Variants in GSDMA observed in about 807,000 individuals in gnomAD.
GSDMA encodes the protein gasdermin A.
GSDMA carries 55 observed loss-of-function variants against 54.3 expected under a neutral mutation model. That is an observed-to-expected ratio of 1.01 (90% CI 0.82 to 1.27). The LOEUF (loss-of-function observed/expected upper bound fraction) is 1.27, where lower values mean the gene tolerates loss of function less well. Among genes scored for constraint, GSDMA ranks in the 50% most tolerant of loss-of-function variants. The probability of loss-of-function intolerance (pLI) is 0.00; values close to 1 mark genes in which losing one functional copy is unlikely to be tolerated. For missense variants in GSDMA, 542 were observed against 542.6 expected (o/e 1.00, Z 0.01); for synonymous variants, 211 against 224.7 (o/e 0.94, Z 0.54).
chr17:39,965,576 G>A, intron 1 of GSDMA, 107 bp from the exon 2 acceptor site: 1 of 751,228 alleles, frequency 1.3e-6, no homozygotes, highest in Non-Finnish European at 2.3e-6. Context: ...AGCTCCTCCT[G>A]CCTCAGAGCC....
At chr17:39,971,769 G>T in intron 5 of GSDMA, 149 bp downstream of exon 5, 2 of 640,612 alleles carry the variant, frequency 3.1e-6, no homozygotes, top group South Asian at 3.7e-5. Context: ...AGCCTGCTCT[G>T]GAGAGAAGGG....
At chr17:39,964,637 T>C (rs565113565) in intron 1 of GSDMA, among the ~76,000 whole-genome samples, 2 of 151,924 alleles carry the variant, frequency 1.3e-5, no homozygotes, top group Non-Finnish European at 2.9e-5. Context: ...GGTGTACTCA[T>C]ACCTGTGGCA....
rs375996219 is a variant in GSDMA, at chr17:39,964,518, G to A, written c.-5-1165G>A. ...TGAGAGGTGGAGACTGCAGGGAGCC[G>A]AGATGGCACCACTGCACTCCACCCT... On this transcript the variant is annotated intron_variant, in intron 1 of 11. Coordinates refer to ENST00000301659, the MANE Select transcript of GSDMA (RefSeq NM_178171.5). Among the ~76,000 whole-genome samples the A allele has an allele frequency of 4.8e-4, 73 of 151,956 alleles. No individual in the cohort carries two copies. In the East Asian group the frequency reaches 8.3e-3, roughly 17 times the overall value.
chr17:39,970,921 G>C (rs1186704022), intron 4 of GSDMA, among the ~76,000 whole-genome samples: 7 of 152,168 alleles, frequency 4.6e-5, no homozygotes, highest in Non-Finnish European at 2.9e-5. Flanking sequence ...CACATTCCTG[G>C]GTTTTCCCTC....
At chr17:39,966,038 C>T in intron 2 of GSDMA, 137 bp downstream of exon 2, 1 of 853,738 alleles carries the variant, frequency 1.2e-6, no homozygotes, top group Non-Finnish European at 1.8e-6. Context: ...TCATCAGGAG[C>T]TGAGGAGGCT....
chr17:39,966,436 A>C lies in GSDMA; in HGVS notation c.391A>C (p.Arg131=). The change falls in exon 3 of 12, where the codon AGG becomes CGG. Residue 131 remains arginine, a splice_region_variant and synonymous_variant. Coordinates refer to ENST00000301659, the MANE Select transcript of GSDMA (RefSeq NM_178171.5). ...CAAGGCCCTGGAGACCGTGCAGGAG[A>C]GGTGAGAGTGGGCGGGACTGAGGGT... ...APKALETVQE[R]KLAADHPFLK... is the part of the protein sequence containing the mutation. The C allele has an allele frequency of 6.3e-7, 1 of 1,596,984 alleles. No individual in the cohort carries two copies. Among genetic ancestry groups the C allele is most frequent in the Non-Finnish European group, 8.5e-7 (1 of 1,173,244 alleles).
chr17:39,968,695 G>C (rs756988788), intron 3 of GSDMA, among the ~76,000 whole-genome samples: 3 of 152,130 alleles, frequency 2.0e-5, no homozygotes, highest in Non-Finnish European at 4.4e-5. Context: ...GAGGACCCGA[G>C]CTGGGGAAGG....
In GSDMA at chr17:39,963,070, C is replaced by G. The variant is rs1979487966; in HGVS notation, c.-21C>G. 6.5e-6 allele frequency: 1 copy of G among 152,728 alleles called. No individual in the cohort carries two copies. Among genetic ancestry groups the G allele is most frequent in the South Asian group, 2.1e-4 (1 of 4,840 alleles). The allele number at this position is 152,728 out of a possible 1,614,324, so 9.5% of individuals were successfully genotyped here. A position where few individuals can be genotyped will look rare whatever the true frequency, so the allele number is the denominator to read the frequency against. ...CCCAGACCCAGCTGCTGGATAGGACCCAGCCCCGCTCCCAGGTAAGAACTT... is the reference window on the plus strand; with the variant it reads ...CCCAGACCCAGCTGCTGGATAGGACGCAGCCCCGCTCCCAGGTAAGAACTT... On this transcript the variant is annotated 5_prime_UTR_variant, in exon 1 of 12. Transcript: ENST00000301659.
rs1598301944 is a variant in GSDMA at position 39,965,718 on chromosome 17, C to T, written c.31C>T (p.Leu11=). Residue 11 remains leucine, a synonymous_variant, in exon 2 of 12, where the codon CTG becomes TTG. Transcript: ENST00000301659. ...CATGTTTGAAAATGTCACCCGGGCCCTGGCCAGACAGCTAAACCCTCGAGG... is the reference window on the plus strand; with the variant it reads ...CATGTTTGAAAATGTCACCCGGGCCTTGGCCAGACAGCTAAACCCTCGAGG... MTMFENVTRA[L]ARQLNPRGDL... 6.2e-7 allele frequency: 1 copy of T among 1,610,582 alleles called. No individual in the cohort carries two copies. Among genetic ancestry groups the T allele is most frequent in the South Asian group, 1.1e-5 (1 of 90,216 alleles).
chr17:39,977,283 T>G lies in GSDMA; in HGVS notation c.*225T>G, dbSNP rs1051297738. 5 of 320,652 alleles carry G rather than the reference T, an allele frequency of 1.6e-5. No homozygotes were observed. The highest frequency in any genetic ancestry group is 2.7e-5 in the Non-Finnish European group (5 of 186,532). 19.9% of individuals were successfully genotyped at this position (320,652 alleles called of 1,614,324 possible). On this transcript the variant is annotated 3_prime_UTR_variant, in exon 12 of 12. Coordinates refer to ENST00000301659, the MANE Select transcript of GSDMA (RefSeq NM_178171.5). ...CTGCTGATGCTTAAATTTTCTTTAC[T>G]TTTCTTTTCTTTTTTTTTTTTTTTT...
At chr17:39,967,628 G>C (rs1347609220) in intron 3 of GSDMA, among the ~76,000 whole-genome samples, 1 of 152,216 alleles carries the variant, frequency 6.6e-6, no homozygotes, top group Non-Finnish European at 1.5e-5. Context: ...TCAGATAGGG[G>C]AAGAGGAACA....
At chr17:39,973,015 A>T (rs1039102268) in intron 7 of GSDMA, among the ~76,000 whole-genome samples, 3 of 152,096 alleles carry the variant, frequency 2.0e-5, no homozygotes, top group East Asian at 1.9e-4. Context: ...CTTGTTGCCC[A>T]GGCTGGAGTG....
chr17:39,972,848 C>T (rs1980017813), intron 7 of GSDMA, among the ~76,000 whole-genome samples: 2 of 152,158 alleles, frequency 1.3e-5, no homozygotes, highest in South Asian at 2.1e-4. Context: ...GCCTTACTAG[C>T]AGCCAGGCAC....
intron 2 of GSDMA, 42 bp downstream of exon 2, chr17:39,965,943 A>AC: frequency 6.5e-7 from 1 of 1,528,466 alleles, no homozygotes; most frequent in Non-Finnish European, 8.8e-7. Flanking sequence ...ATACTGAGGG[A>AC]CAGGGGCTGG....
chr17:39,967,135 G>T (rs1285751633), intron 3 of GSDMA, among the ~76,000 whole-genome samples: 1 of 152,204 alleles, frequency 6.6e-6, no homozygotes, highest in Non-Finnish European at 1.5e-5. Flanking sequence ...TCTACTACGG[G>T]CTGGGGTGCG....
chr17:39,975,500 A>T (rs1294809424), intron 10 of GSDMA, among the ~76,000 whole-genome samples: 1 of 152,082 alleles, frequency 6.6e-6, no homozygotes, highest in African/African-American at 2.4e-5. Context: ...CACATTGGGT[A>T]GTCTGAGAAG....
At position 39,970,599 on chromosome 17, in the gene GSDMA, G is replaced by A. The variant is rs1979890563; in HGVS notation, c.510G>A (p.Lys170=). The A allele has an allele frequency of 6.3e-7, 1 of 1,596,788 alleles. No homozygotes were observed. Among genetic ancestry groups the A allele is most frequent in the East Asian group, 2.3e-5 (1 of 43,636 alleles). The change falls in exon 4 of 12, where the codon AAG becomes AAA. Residue 170 remains lysine, a synonymous_variant. Transcript: ENST00000301659. ...AGGTCACACTGGAGCGAGCCGGCAA[G>A]GCAGAGGCCTGCTTCTCCCTCCCCT... ...VQEVTLERAG[K]AEACFSLPFF...
intron 7 of GSDMA, 50 bp from the exon 8 acceptor site, chr17:39,973,760 C>T (rs550037700): frequency 1.3e-6 from 2 of 1,524,240 alleles, no homozygotes; most frequent in African/African-American, 1.4e-5. Flanking sequence ...GGTATGGCTG[C>T]CATTCTGAAG....
In GSDMA at chr17:39,973,674, A is replaced by G. The variant is rs1350371074; in HGVS notation, c.731-136A>G. 10 of 715,958 alleles carry G rather than the reference A, an allele frequency of 1.4e-5. No individual in the cohort carries two copies. The East Asian group carries it at 2.7e-4, about 19-fold the overall frequency. 44.4% of individuals were successfully genotyped at this position (715,958 alleles called of 1,614,324 possible). A position where few individuals can be genotyped will look rare whatever the true frequency, so the allele number is the denominator to read the frequency against. ...AGAGCCACTGAGTCACAGTAATGCC[A>G]GGAACAAGGTAGCTGGGCTCTCCCA... On this transcript the variant is annotated intron_variant, in intron 7 of 11. Transcript: ENST00000301659.
Sources: allele counts gnomAD v4.1 joint callset (sites outside exome capture counted in the v4.1 genomes callset), GRCh38; gene constraint gnomAD v4.1.1; transcripts MANE v1.5; gene names NCBI Gene and HGNC (gene_info 2026-07-23, HGNC 2026-07-21).